The following CPQ variants were observed in gnomAD, a reference collection of about 807,000 sequenced individuals.
CPQ encodes carboxypeptidase Q, also known as Ser-Met dipeptidase.
CPQ carries 37 observed loss-of-function variants against 45.7 expected under a neutral mutation model. The observed-to-expected ratio is 0.81, with a 90% CI of 0.62 to 1.07. The LOEUF is 1.07. Among genes scored for constraint, CPQ ranks in the 50% least tolerant of loss-of-function variants. The pLI is 0.00. For synonymous variants in CPQ, 186 were observed against 205.8 expected, an observed-to-expected ratio of 0.90 and a Z score of 0.82; for missense variants, 537 against 572.9, an observed-to-expected ratio of 0.94 and a Z score of 0.64.
Position 96,816,278 on chromosome 8 carries a change from G to A in CPQ, c.434-18695G>A, listed in dbSNP as rs117617930. ...TCACCAGGAGTAGATTCCATCTCAGGAAACTCGTTTATTTGCTCATCCATA... is the reference window on the plus strand; with the variant it reads ...TCACCAGGAGTAGATTCCATCTCAGAAAACTCGTTTATTTGCTCATCCATA... On this transcript the variant is annotated intron_variant, in intron 2 of 7. Coordinates refer to ENST00000220763, the MANE Select transcript of CPQ (RefSeq NM_016134.4). Among the ~76,000 whole-genome samples the A allele has an allele frequency of 5.2e-3, 796 of 152,178 alleles. 2 individuals are homozygous for A. Among genetic ancestry groups the A allele is most frequent in the Non-Finnish European group, 8.4e-3 (572 of 67,994 alleles).
intron 1 of CPQ, among the ~76,000 whole-genome samples, chr8:96,700,129 G>A (rs1728950813): frequency 6.6e-6 from 1 of 152,240 alleles, no homozygotes; most frequent in East Asian, 1.9e-4. Context: ...TTAGCATGAA[G>A]TGAAGTATGG....
chr8:97,103,987 G>A (rs900878094), intron 7 of CPQ, among the ~76,000 whole-genome samples: 8 of 152,176 alleles, frequency 5.3e-5, no homozygotes, highest in African/African-American at 1.9e-4. Flanking sequence ...TGCCACACTG[G>A]TTGTAAATGG....
intron 7 of CPQ, among the ~76,000 whole-genome samples, chr8:97,071,009 A>G (rs901717082): frequency 6.6e-6 from 1 of 152,082 alleles, no homozygotes; most frequent in African/African-American, 2.4e-5. Flanking sequence ...AAAATTAAAT[A>G]CCCTCTTACT....
Position 97,041,393 on chromosome 8 carries a change from A to G in CPQ, c.1053+11899A>G, listed in dbSNP as rs575210689. Reference sequence around the variant, plus strand: ...CTTAAGGAGATTTTGGGCTGAGACAATGGGGTTTTCTAGATATACAATCAT... The same window carrying G: ...CTTAAGGAGATTTTGGGCTGAGACAGTGGGGTTTTCTAGATATACAATCAT... On this transcript the variant is annotated intron_variant, in intron 6 of 7. Transcript: ENST00000220763. Among the ~76,000 whole-genome samples the G allele has an allele frequency of 9.8e-3, 1,488 of 152,222 alleles. 10 individuals carry two copies. The highest frequency in any genetic ancestry group is 0.014 in the Non-Finnish European group (986 of 68,006).
intron 1 of CPQ, among the ~76,000 whole-genome samples, chr8:96,743,034 T>G (rs1212904636): frequency 6.6e-6 from 1 of 152,200 alleles, no homozygotes; most frequent in Admixed American, 6.5e-5. Flanking sequence ...CCTTGCTAGA[T>G]TGGGGAAGTT....
intron 2 of CPQ, among the ~76,000 whole-genome samples, chr8:96,796,109 A>G (rs771708481): frequency 6.6e-6 from 1 of 152,122 alleles, no homozygotes; most frequent in African/African-American, 2.4e-5. Flanking sequence ...TCCAGATTGT[A>G]CACACCTATT....
At chr8:96,863,096 G>A (rs1052507119) in intron 3 of CPQ, among the ~76,000 whole-genome samples, 3 of 152,052 alleles carry the variant, frequency 2.0e-5, no homozygotes, top group Non-Finnish European at 4.4e-5. Context: ...TCTGTTACAT[G>A]CAGTTGATCT....
intron 5 of CPQ, among the ~76,000 whole-genome samples, chr8:96,976,746 G>T (rs1813796727): frequency 6.6e-6 from 1 of 152,106 alleles, no homozygotes; most frequent in Non-Finnish European, 1.5e-5. Flanking sequence ...ACATAAAGTG[G>T]AGAAAAGACG....
chr8:96,871,044 C>T (rs570872070), intron 3 of CPQ, among the ~76,000 whole-genome samples: 76 of 152,102 alleles, frequency 5.0e-4, no homozygotes, highest in African/African-American at 1.8e-3. Flanking sequence ...TAATGATGCA[C>T]AGATGCTGTT....
chr8:96,737,254 CA>C (rs771592276), intron 1 of CPQ, among the ~76,000 whole-genome samples: 187 of 124,818 alleles, frequency 1.5e-3, no homozygotes, highest in African/African-American at 5.0e-3. Flanking sequence ...CACACACACA[CA>C]AAAAAAAACT....
chr8:97,006,078 A>G (rs1809376289), intron 5 of CPQ, among the ~76,000 whole-genome samples: 1 of 152,238 alleles, frequency 6.6e-6, no homozygotes. Context: ...TGCTGCTAAC[A>G]GAGACCATAC....
intron 7 of CPQ, among the ~76,000 whole-genome samples, chr8:97,115,974 C>T (rs1333087871): frequency 2.6e-5 from 4 of 151,940 alleles, no homozygotes; most frequent in Non-Finnish European, 5.9e-5. Flanking sequence ...GGCAAGGACA[C>T]TTAAAAGGAG....
At chr8:97,101,606 A>G in intron 7 of CPQ, among the ~76,000 whole-genome samples, 1 of 144,456 alleles carries the variant, frequency 6.9e-6, no homozygotes, top group African/African-American at 2.6e-5. Context: ...TTTGACCAGG[A>G]AAAGGAATCC....
At position 96,948,645 on chromosome 8, in the gene CPQ, T is replaced by C. The variant is rs185948307; in HGVS notation, c.850-17290T>C. 7.3e-4 allele frequency among the ~76,000 whole-genome samples: 111 copies of C among 152,206 alleles called. 2 individuals carry two copies. Among genetic ancestry groups the C allele is most frequent in the African/African-American group, 2.6e-3 (110 of 41,556 alleles). ...TGCTGGGTGAAATGCTCCGTATGTA[T>C]CTGTTAGGTCTGTTTGATCTATAAT... On this transcript the variant is annotated intron_variant, in intron 4 of 7. Coordinates refer to ENST00000220763, the MANE Select transcript of CPQ (RefSeq NM_016134.4).
chr8:97,087,598 A>G (rs1811061869), intron 7 of CPQ, among the ~76,000 whole-genome samples: 1 of 152,240 alleles, frequency 6.6e-6, no homozygotes, highest in Non-Finnish European at 1.5e-5. Flanking sequence ...TTAGGAATCC[A>G]GTTGCATTAA....
At chr8:96,790,099 C>G (rs921205523) in intron 2 of CPQ, among the ~76,000 whole-genome samples, 1 of 152,114 alleles carries the variant, frequency 6.6e-6, no homozygotes, top group African/African-American at 2.4e-5. Context: ...ACCAAGCTCT[C>G]CATTATTTTC....
At chr8:97,142,551 T>A (rs1812185064) in intron 7 of CPQ, among the ~76,000 whole-genome samples, 1 of 152,258 alleles carries the variant, frequency 6.6e-6, no homozygotes, top group Non-Finnish European at 1.5e-5. Context: ...AGATACTGTC[T>A]TTTTATAAAT....
chr8:96,894,812 T>G (rs1812422372), intron 4 of CPQ, among the ~76,000 whole-genome samples: 1 of 152,232 alleles, frequency 6.6e-6, no homozygotes, highest in South Asian at 2.1e-4. Context: ...TTTGAAAACT[T>G]TAGTTTAAAT....
intron 5 of CPQ, among the ~76,000 whole-genome samples, chr8:96,996,391 C>T (rs900235141): frequency 6.6e-6 from 1 of 151,874 alleles, no homozygotes; most frequent in African/African-American, 2.4e-5. Flanking sequence ...ATTTGCAGAC[C>T]AGGAAAGGTT....
Sources: gnomAD v4.1 joint callset for allele counts (sites outside exome capture counted in the v4.1 genomes callset) on GRCh38, gnomAD v4.1.1 for gene constraint, MANE v1.5 for transcripts, NCBI Gene and HGNC (gene_info 2026-07-23, HGNC 2026-07-21) for gene names.